Variants in UGT1A9 observed in about 807,000 individuals in gnomAD.
UGT1A9 encodes UDP glucuronosyltransferase family 1 member A9.
In UGT1A9, 35 loss-of-function variants were observed where a neutral mutation model predicts 45.0. The ratio of observed to expected loss-of-function variants is 0.78; its 90% CI spans 0.59 to 1.03. UGT1A9 has a LOEUF of 1.03. UGT1A9 is among the 50% of genes least tolerant of loss of function. The pLI is 0.00. For synonymous variants in UGT1A9, 278 were observed against 250.6 expected, an observed-to-expected ratio of 1.11 and a Z score of -1.03; for missense variants, 687 against 666.6, an observed-to-expected ratio of 1.03 and a Z score of -0.34.
At chr2:233,678,916 G>T (rs190538655) in intron 1 of UGT1A9, among the ~76,000 whole-genome samples, 2,507 of 152,222 alleles carry the variant, frequency 0.016, 85 homozygotes, top group African/African-American at 0.057. Flanking sequence ...GTGAAGTCAT[G>T]TGCAACATCT....
chr2:233,704,977 A>G (rs1323629686), intron 1 of UGT1A9, among the ~76,000 whole-genome samples: 2 of 152,082 alleles, frequency 1.3e-5, no homozygotes, highest in Non-Finnish European at 1.5e-5. Context: ...CTCTACTTAA[A>G]ATACAGAAAT....
intron 1 of UGT1A9, among the ~76,000 whole-genome samples, chr2:233,722,693 G>A (rs969109813): frequency 2.0e-5 from 3 of 151,938 alleles, no homozygotes; most frequent in Admixed American, 1.3e-4. Context: ...TCTTTTCATT[G>A]CTTTTAGATA....
chr2:233,700,326 C>T (rs1196966408), intron 1 of UGT1A9, among the ~76,000 whole-genome samples: 1 of 152,172 alleles, frequency 6.6e-6, no homozygotes, highest in Non-Finnish European at 1.5e-5. Flanking sequence ...AAAATTCTGC[C>T]TCTCTTTCAA....
intron 1 of UGT1A9, among the ~76,000 whole-genome samples, chr2:233,764,775 GA>G (rs1268647716): frequency 6.6e-6 from 1 of 152,162 alleles, no homozygotes. Context: ...AAGGAGTTCA[GA>G]AAAACCATCC....
chr2:233,757,535 A>AATATATAT lies in UGT1A9; in HGVS notation c.856-9480_856-9473dup, dbSNP rs67292694. On this transcript the variant is annotated intron_variant, in intron 1 of 4. Transcript: ENST00000354728. ...CAAAGCCAAAATCTTGCCTGTAAGG[A>AATATATAT]ATATATATATATATATATATATATA... Among the ~76,000 whole-genome samples the AATATATAT allele has an allele frequency of 9.1e-3, 800 of 88,270 alleles. 30 individuals are homozygous for AATATATAT. Among genetic ancestry groups the AATATATAT allele is most frequent in the African/African-American group, 0.032 (642 of 19,900 alleles). The allele number at this position is 88,270 out of a possible 152,430, so 57.9% of individuals were successfully genotyped here.
chr2:233,721,442 T>G (rs543362846), intron 1 of UGT1A9: 10 of 162,688 alleles, frequency 6.1e-5, no homozygotes, highest in Admixed American at 1.3e-4. Context: ...TTAATGTTGT[T>G]ATAGTGAGCA....
chr2:233,759,924 C>T (rs887829), intron 1 of UGT1A9, among the ~76,000 whole-genome samples: 54,890 of 151,920 alleles, frequency 0.36, 10,314 homozygotes, highest in African/African-American at 0.45. Context: ...TGTTTAATTT[C>T]TGGAAAAGAA....
At chr2:233,713,077 G>A (rs1466431854) in intron 1 of UGT1A9, 1 of 1,614,196 alleles carries the variant, frequency 6.2e-7, no homozygotes, top group South Asian at 1.1e-5. Flanking sequence ...GCTGAGAGTG[G>A]GAAGGTGCTG....
At chr2:233,693,891 T>G (rs1489359019) in intron 1 of UGT1A9, 2 of 1,613,928 alleles carry the variant, frequency 1.2e-6, no homozygotes, top group African/African-American at 2.7e-5. Flanking sequence ...TCTTTTGGAC[T>G]GCCTTGTTTC....
At chr2:233,765,903 C>A (rs906451235) in intron 1 of UGT1A9, among the ~76,000 whole-genome samples, 6 of 152,044 alleles carry the variant, frequency 3.9e-5, no homozygotes, top group African/African-American at 1.5e-4. Flanking sequence ...ACTGCTCAAA[C>A]CTCTAGGGGA....
chr2:233,754,397 T>G (rs1695471341), intron 1 of UGT1A9: 2 of 336,018 alleles, frequency 6.0e-6, no homozygotes, highest in African/African-American at 4.3e-5. Flanking sequence ...GTCCTATCCG[T>G]GCAGTCCCAA....
chr2:233,771,091 C>CAGG (rs1700235837), intron 4 of UGT1A9: 1 of 152,122 alleles, frequency 6.6e-6, no homozygotes, highest in African/African-American at 2.4e-5. Flanking sequence ...AACTCACTAT[C>CAGG]AGGAAGACAG....
chr2:233,767,710 G>A, intron 2 of UGT1A9, 139 bp from the exon 3 acceptor site: 1 of 1,527,870 alleles, frequency 6.5e-7, no homozygotes, highest in Non-Finnish European at 8.8e-7. Context: ...GTCCTCAGAA[G>A]CCTTCACAGT....
chr2:233,711,968 G>T (rs545483514), intron 1 of UGT1A9, among the ~76,000 whole-genome samples: 6 of 152,338 alleles, frequency 3.9e-5, no homozygotes, highest in African/African-American at 1.4e-4. Flanking sequence ...TTTGAAATTT[G>T]AACTAGAGCC....
intron 1 of UGT1A9, among the ~76,000 whole-genome samples, chr2:233,673,321 C>T (rs1183477630): frequency 6.6e-6 from 1 of 152,012 alleles, no homozygotes; most frequent in African/African-American, 2.4e-5. Flanking sequence ...TTGACAAGTT[C>T]TATTAATAAT....
chr2:233,701,626 G>A (rs949680433), intron 1 of UGT1A9, among the ~76,000 whole-genome samples: 37 of 152,190 alleles, frequency 2.4e-4, no homozygotes, highest in Non-Finnish European at 4.7e-4. Context: ...TAAAAGAACA[G>A]AAATTATAGC....
chr2:233,734,120 A>G (rs2078485100), intron 1 of UGT1A9, among the ~76,000 whole-genome samples: 1 of 152,036 alleles, frequency 6.6e-6, no homozygotes, highest in Non-Finnish European at 1.5e-5. Context: ...AATAATAATA[A>G]TAAAAAGAAT....
rs757592840 is a variant in UGT1A9, at chr2:233,693,218, T to C, written c.855+20429T>C. On this transcript the variant is annotated intron_variant, in intron 1 of 4. Transcript: ENST00000354728. The stretch of plus-strand genomic sequence containing the variant: ...TAATTTGCTTTTGAAAGAATCCAAA[T>C]ACTACACAAGAAAAATCTATCCAGT... The C allele has an allele frequency of 3.7e-6, 6 of 1,614,046 alleles. No homozygotes were observed. In the African/African-American group the frequency reaches 8.0e-5, roughly 22 times the overall value.
chr2:233,750,143 G>C (rs1694374277), intron 1 of UGT1A9, among the ~76,000 whole-genome samples: 1 of 151,908 alleles, frequency 6.6e-6, no homozygotes, highest in Admixed American at 6.5e-5. Context: ...GAACTTCCTA[G>C]AGACTTGTTG....
Sources: gnomAD v4.1 joint callset for allele counts (sites outside exome capture counted in the v4.1 genomes callset) on GRCh38, gnomAD v4.1.1 for gene constraint, MANE v1.5 for transcripts, NCBI Gene and HGNC (gene_info 2026-07-23, HGNC 2026-07-21) for gene names.